The following IL23R variants were observed in gnomAD, a reference collection of about 807,000 sequenced individuals.
IL23R encodes the protein interleukin 23 receptor.
A neutral mutation model predicts 56.9 loss-of-function variants in IL23R; 34 were observed. The ratio of observed to expected loss-of-function variants is 0.60; its 90% CI spans 0.45 to 0.80. The LOEUF (loss-of-function observed/expected upper bound fraction) is 0.80. Ranked by LOEUF, IL23R falls within the 30% of genes least tolerant of loss-of-function variation. The pLI is 0.00. For missense variants in IL23R, 635 were observed against 730.0 expected (o/e 0.87, Z 1.50); for synonymous variants, 230 against 249.2 (o/e 0.92, Z 0.73).
In IL23R at chr1:67,258,841, T is replaced by G. The variant is rs1451818608; in HGVS notation, c.1603T>G (p.Ser535Ala). ...GCATCCTAATTTTGCTTTTTCTGTTTCAAGTGTGAATTCACTAAGCAACAC... is the reference window on the plus strand; with the variant it reads ...GCATCCTAATTTTGCTTTTTCTGTTGCAAGTGTGAATTCACTAAGCAACAC... ...QKHPNFAFSV[S>A]SVNSLSNTIF... The change falls in exon 11 of 11, where the codon TCA becomes GCA. Residue 535 changes from serine (S) to alanine (A), a missense_variant. Ser to Ala is a moderately conservative substitution (Grantham distance 99, BLOSUM62 1). Transcript: ENST00000347310. 2 of 1,613,352 alleles carry G rather than the reference T, an allele frequency of 1.2e-6. No individual in the cohort carries two copies. Among genetic ancestry groups the G allele is most frequent in the African/African-American group, 2.7e-5 (2 of 74,904 alleles).
At chr1:67,241,057 A>G (rs1194764826) in intron 9 of IL23R, among the ~76,000 whole-genome samples, 1 of 152,238 alleles carries the variant, frequency 6.6e-6, no homozygotes, top group Non-Finnish European at 1.5e-5. Flanking sequence ...AGGCTAGGTT[A>G]CAGTTCATCC....
intron 4 of IL23R, among the ~76,000 whole-genome samples, chr1:67,192,105 T>C (rs542820171): frequency 2.0e-5 from 3 of 152,206 alleles, no homozygotes; most frequent in Non-Finnish European, 4.4e-5. Context: ...AGGGAAGCTT[T>C]TATTACCAAA....
rs754809425 is a variant in IL23R at position 67,259,424 on chromosome 1, C to T, written c.*296C>T. The stretch of plus-strand genomic sequence containing the variant: ...AGCTCCATGCCTTTTTAATTTTAGC[C>T]ATTCTTCTGCCTCATTTCTTAAAAT... On this transcript the variant is annotated 3_prime_UTR_variant, in exon 11 of 11. Transcript: ENST00000347310. 1.0e-5 allele frequency: 4 copies of T among 395,554 alleles called. No individual in the cohort carries two copies. The highest frequency in any genetic ancestry group is 8.2e-5 in the African/African-American group (4 of 48,736). 24.5% of individuals were successfully genotyped at this position (395,554 alleles called of 1,614,324 possible).
chr1:67,265,811 T>G, the IL23R span, among the ~76,000 whole-genome samples: 11 of 151,776 alleles, frequency 7.2e-5, no homozygotes, highest in African/African-American at 2.7e-4. Context: ...GAAGCTGAAG[T>G]AGGAGGACTG....
downstream of IL23R, chr1:67,260,025 A>G (rs1653150232): frequency 6.6e-6 from 1 of 151,834 alleles, no homozygotes; most frequent in African/African-American, 2.4e-5. Context: ...GGGAGAGGCA[A>G]GTTTAATTTT....
downstream of IL23R, among the ~76,000 whole-genome samples, chr1:67,262,488 T>C (rs1337626485): frequency 6.6e-6 from 1 of 152,206 alleles, no homozygotes; most frequent in Non-Finnish European, 1.5e-5. Flanking sequence ...GATGTTCATC[T>C]GAGTCTCAGG....
At chr1:67,245,409 A>G (rs918157890) in intron 9 of IL23R, among the ~76,000 whole-genome samples, 1 of 152,136 alleles carries the variant, frequency 6.6e-6, no homozygotes, top group Non-Finnish European at 1.5e-5. Flanking sequence ...GAATGCTTCC[A>G]GTTTTTGTCC....
chr1:67,150,245 G>T (rs1004098966), intron 1 of IL23R, among the ~76,000 whole-genome samples: 1 of 115,320 alleles, frequency 8.7e-6, no homozygotes, highest in African/African-American at 3.2e-5. Flanking sequence ...CAGGCATTTC[G>T]AACTTTTTTT....
intron 5 of IL23R, among the ~76,000 whole-genome samples, chr1:67,205,929 C>CTTTCTT (rs1649010952): frequency 1.7e-5 from 2 of 116,306 alleles, no homozygotes; most frequent in African/African-American, 3.1e-5. Context: ...CTTTCTTTTT[C>CTTTCTT]TTTCTTTCTT....
At chr1:67,169,735 A>T in intron 3 of IL23R, 97 bp downstream of exon 3, 1 of 1,176,052 alleles carries the variant, frequency 8.5e-7, no homozygotes, top group Non-Finnish European at 1.3e-6. Context: ...AAAATAATAT[A>T]GTTCAGTTTT....
chr1:67,164,631 CAAAATAAAATAAAAT>C (rs10645092), upstream of IL23R, among the ~76,000 whole-genome samples: 478 of 107,002 alleles, frequency 4.5e-3, 2 homozygotes, highest in African/African-American at 0.016. Context: ...AACTCTGTCA[CAAAATAAAATAAAAT>C]AAAATAAAAT....
chr1:67,139,160 C>T (rs1281495529), exon 1 of IL23R: 1 of 152,194 alleles, frequency 6.6e-6, no homozygotes, highest in Admixed American at 6.6e-5. Context: ...TAACATGATC[C>T]AGTAAGTTCT....
chr1:67,245,221 A>G (rs1025502278), intron 9 of IL23R, among the ~76,000 whole-genome samples: 4 of 152,174 alleles, frequency 2.6e-5, no homozygotes, highest in African/African-American at 9.7e-5. Flanking sequence ...GGCTGAGATG[A>G]TGGGGTTTTC....
At chr1:67,190,186 T>C (rs1380999308) in intron 4 of IL23R, among the ~76,000 whole-genome samples, 1 of 152,212 alleles carries the variant, frequency 6.6e-6, no homozygotes. Flanking sequence ...AGAAGCTTTT[T>C]ACCTGAGACC....
At chr1:67,157,971 T>C (rs1299472519) in intron 1 of IL23R, among the ~76,000 whole-genome samples, 1 of 152,202 alleles carries the variant, frequency 6.6e-6, no homozygotes, top group Admixed American at 6.5e-5. Flanking sequence ...ATCCCAGCAC[T>C]TTGGGTGGCC....
intron 9 of IL23R, among the ~76,000 whole-genome samples, chr1:67,248,951 C>T (rs539643196): frequency 2.6e-5 from 4 of 152,060 alleles, no homozygotes; most frequent in East Asian, 1.9e-4. Context: ...CTGGGTGAGA[C>T]GATGCCCCAC....
chr1:67,157,827 A>T (rs1379941555), intron 1 of IL23R, among the ~76,000 whole-genome samples: 1 of 152,232 alleles, frequency 6.6e-6, no homozygotes, highest in Non-Finnish European at 1.5e-5. Flanking sequence ...TCAGACTAGA[A>T]TGAAAACTCC....
At chr1:67,210,794 T>C (rs1316915741) in intron 6 of IL23R, among the ~76,000 whole-genome samples, 1 of 152,126 alleles carries the variant, frequency 6.6e-6, no homozygotes, top group Non-Finnish European at 1.5e-5. Flanking sequence ...AATTAACAGT[T>C]ATGTATCAGC....
Position 67,148,983 on chromosome 1 carries a change from C to T in IL23R, c.-634+9822C>T, listed in dbSNP as rs72676054. 4.6e-3 allele frequency among the ~76,000 whole-genome samples: 693 copies of T among 152,264 alleles called. 1 individual carries two copies. The highest frequency in any genetic ancestry group is 7.4e-3 in the Non-Finnish European group (506 of 68,014). On this transcript the variant is annotated intron_variant, in intron 1 of 10. Coordinates refer to the IL23R transcript ENST00000637002. The stretch of plus-strand genomic sequence containing the variant: ...GCCTGGCAGGGCTGCCCTAGCCAAC[C>T]GTCAGATCCGTGAAAATGAATGATA...
Sources: allele counts gnomAD v4.1 joint callset (sites outside exome capture counted in the v4.1 genomes callset), GRCh38; gene constraint gnomAD v4.1.1; transcripts MANE v1.5; gene names NCBI Gene and HGNC (gene_info 2026-07-23, HGNC 2026-07-21).